Variants in MKRN2 observed in about 807,000 individuals in gnomAD.
MKRN2 encodes makorin ring finger protein 2, also known as E3 ubiquitin-protein ligase makorin-2.
MKRN2 carries 32 observed loss-of-function variants against 45.4 expected under a neutral mutation model. That is an observed-to-expected ratio of 0.70 (90% CI 0.53 to 0.95). The LOEUF is 0.95. Among genes scored for constraint, MKRN2 ranks in the 40% least tolerant of loss-of-function variants. The pLI, the probability that MKRN2 is intolerant of heterozygous loss-of-function variation, is 0.00. For synonymous variants in MKRN2, 206 were observed against 192.4 expected, an observed-to-expected ratio of 1.07 and a Z score of -0.59; for missense variants, 526 against 536.7, an observed-to-expected ratio of 0.98 and a Z score of 0.20.
At chr3:12,557,633 C>G (rs1338376995) in intron 1 of MKRN2, among the ~76,000 whole-genome samples, 1 of 152,236 alleles carries the variant, frequency 6.6e-6, no homozygotes, top group African/African-American at 2.4e-5. Context: ...CAGATGCAAT[C>G]TAAACTTGCA....
chr3:12,575,375 C>T (rs1424394270), intron 5 of MKRN2, among the ~76,000 whole-genome samples: 1 of 152,152 alleles, frequency 6.6e-6, no homozygotes, highest in African/African-American at 2.4e-5. Context: ...TTCCCCCCAC[C>T]AAAAACGAAA....
intron 1 of MKRN2, among the ~76,000 whole-genome samples, chr3:12,567,475 G>GT (rs1236854315): frequency 7.3e-5 from 9 of 123,704 alleles, no homozygotes; most frequent in Non-Finnish European, 1.5e-4. Flanking sequence ...GCCCTGGCTA[G>GT]TTTATCTTTT....
At position 12,572,223 on chromosome 3, in the gene MKRN2, C is replaced by T; in HGVS notation, c.492C>T (p.Tyr164=). 1 of 1,614,120 alleles carries T rather than the reference C, an allele frequency of 6.2e-7. No individual in the cohort carries two copies. The highest frequency in any genetic ancestry group is 8.5e-7 in the Non-Finnish European group (1 of 1,180,012). ...GLDDVEASSS[Y]SNEQQLCPYA... ...ATGACGTGGAGGCCAGCAGCTCCTA[C>T]AGCAACGAGCAGCAGCTGTGCCCCT... Residue 164 remains tyrosine, a synonymous_variant, in exon 4 of 8, where the codon TAC becomes TAT. Coordinates refer to ENST00000170447, the MANE Select transcript of MKRN2 (RefSeq NM_014160.5).
intron 1 of MKRN2, among the ~76,000 whole-genome samples, chr3:12,563,904 G>A (rs532116661): frequency 1.7e-4 from 23 of 137,370 alleles, no homozygotes; most frequent in Admixed American, 3.8e-4. Context: ...AATAATGCTG[G>A]TATGAACACG....
intron 5 of MKRN2, among the ~76,000 whole-genome samples, chr3:12,575,912 A>G (rs2058132316): frequency 6.6e-6 from 1 of 152,058 alleles, no homozygotes; most frequent in African/African-American, 2.4e-5. Context: ...TCCCTTATCC[A>G]TTCCTCAGCT....
intron 6 of MKRN2, chr3:12,576,979 T>C: frequency 4.9e-6 from 1 of 203,560 alleles, no homozygotes; most frequent in Non-Finnish European, 9.4e-6. Flanking sequence ...GGTCTCACTC[T>C]GTTGCCCAGG....
At position 12,582,321 on chromosome 3, in the gene MKRN2, G is replaced by A. The variant is rs1035277886; in HGVS notation, c.*68G>A. 2 of 1,597,030 alleles carry A rather than the reference G, an allele frequency of 1.3e-6. No homozygotes were observed. The highest frequency in any genetic ancestry group is 1.3e-5 in the African/African-American group (1 of 74,678). ...ACTTTCCCAAGCCAGGGTGTGCGGA[G>A]CTTCCCTGTACTGCAGCCAAGGTGA... On this transcript the variant is annotated 3_prime_UTR_variant, in exon 8 of 8. Coordinates refer to ENST00000170447, the MANE Select transcript of MKRN2 (RefSeq NM_014160.5).
intron 4 of MKRN2, among the ~76,000 whole-genome samples, chr3:12,572,635 G>A (rs2058106691): frequency 6.6e-6 from 1 of 151,462 alleles, no homozygotes; most frequent in Non-Finnish European, 1.5e-5. Flanking sequence ...CCAGGCTGGA[G>A]TACAGTGGTG....
At chr3:12,576,848 C>A in intron 6 of MKRN2, 107 bp downstream of exon 6, 1 of 655,232 alleles carries the variant, frequency 1.5e-6, no homozygotes, top group Non-Finnish European at 2.6e-6. Context: ...GCCTCTTCCT[C>A]TCTTCCTTCT....
chr3:12,565,851 C>T (rs2058066385), intron 1 of MKRN2, among the ~76,000 whole-genome samples: 1 of 151,610 alleles, frequency 6.6e-6, no homozygotes, highest in Non-Finnish European at 1.5e-5. Flanking sequence ...ATGTGTGGTT[C>T]TATTTACAGG....
chr3:12,570,169 C>G lies in MKRN2; in HGVS notation c.254C>G (p.Ser85Cys), dbSNP rs368353653. Reference sequence around the variant, plus strand: ...GCTTTCCACAGTCCTCACCCTCCTTCCGAGGTCACTGCATCCATTGTGAAA... The same window carrying G: ...GCTTTCCACAGTCCTCACCCTCCTTGCGAGGTCACTGCATCCATTGTGAAA... ...SPAFHSPHPPSEVTASIVKTN... is the reference protein window; with the variant it reads ...SPAFHSPHPPCEVTASIVKTN... The change falls in exon 3 of 8, where the codon TCC becomes TGC. Residue 85 changes from serine (S) to cysteine (C), a missense_variant. By Grantham distance (112) the Ser-to-Cys change is moderately radical. Transcript: ENST00000170447. The G allele has an allele frequency of 2.3e-5, 37 of 1,614,198 alleles. No individual in the cohort carries two copies. The highest frequency in any genetic ancestry group is 3.3e-4 in the Middle Eastern group (2 of 6,062).
intron 5 of MKRN2, 103 bp from the exon 6 acceptor site, chr3:12,576,528 G>A (rs998606442): frequency 2.7e-5 from 19 of 694,476 alleles, no homozygotes; most frequent in Non-Finnish European, 4.2e-5. Flanking sequence ...TCTGGTGAAG[G>A]AAATGCCTGT....
chr3:12,579,611 C>T (rs1341986476), intron 6 of MKRN2, among the ~76,000 whole-genome samples: 1 of 152,196 alleles, frequency 6.6e-6, no homozygotes, highest in Non-Finnish European at 1.5e-5. Flanking sequence ...GCATGGGAGC[C>T]TGAACCATGA....
chr3:12,572,609 G>GACA (rs1174405680), intron 4 of MKRN2, among the ~76,000 whole-genome samples: 4 of 142,372 alleles, frequency 2.8e-5, no homozygotes, highest in African/African-American at 1.1e-4. Flanking sequence ...TTTTTTTAAT[G>GACA]GAGTCTCCCT....
intron 2 of MKRN2, among the ~76,000 whole-genome samples, chr3:12,569,458 C>A (rs752894440): frequency 6.6e-6 from 1 of 152,052 alleles, no homozygotes; most frequent in East Asian, 1.9e-4. Context: ...CCGTGCCTGG[C>A]CTAATTTTCA....
In MKRN2 at chr3:12,563,483, C is replaced by CT. The variant is rs769910086; in HGVS notation, c.27-5370dup. ...TACCATTCCCTCCTGTTGTCTAGTT[C>CT]TTTTTTTTTTTTTTTTTTTTTTCCT... On this transcript the variant is annotated intron_variant, in intron 1 of 7. Transcript: ENST00000170447. Among the ~76,000 whole-genome samples, 863 of 101,378 alleles carry CT rather than the reference C, an allele frequency of 8.5e-3. 8 individuals carry two copies. The highest frequency in any genetic ancestry group is 0.013 in the East Asian group (48 of 3,674). The allele number at this position is 101,378 out of a possible 152,430, so 66.5% of individuals were successfully genotyped here.
chr3:12,576,659 G>C lies in MKRN2; in HGVS notation c.886G>C (p.Glu296Gln), dbSNP rs768173494. The C allele has an allele frequency of 1.2e-6, 2 of 1,607,938 alleles. No individual in the cohort carries two copies. Among genetic ancestry groups the C allele is most frequent in the Non-Finnish European group, 1.7e-6 (2 of 1,174,718 alleles). Residue 296 changes from glutamate (E) to glutamine (Q), a missense_variant, in exon 6 of 8, where the codon GAG (glutamate) becomes CAG (glutamine). By Grantham distance (29) the Glu-to-Gln change is conservative. Coordinates refer to ENST00000170447, the MANE Select transcript of MKRN2 (RefSeq NM_014160.5). ...KSCPECRVIS[E>Q]FVIPSVYWVE... ...TTGTCCAGAATGCCGTGTGATATCAGAGTTTGTAATTCCAAGTGTGTATTG... is the reference window on the plus strand; with the variant it reads ...TTGTCCAGAATGCCGTGTGATATCACAGTTTGTAATTCCAAGTGTGTATTG...
intron 3 of MKRN2, among the ~76,000 whole-genome samples, chr3:12,570,713 T>C (rs1281478104): frequency 6.6e-6 from 1 of 151,722 alleles, no homozygotes; most frequent in African/African-American, 2.4e-5. Context: ...AGAAACCCTG[T>C]CTCTACTAAA....
In MKRN2 at chr3:12,582,231, G is replaced by A; in HGVS notation, c.1229G>A (p.Gly410Glu). The stretch of plus-strand genomic sequence containing the variant: ...GGGGACCTCTTCATGCACCTTTCTG[G>A]AGTGGAATCATCAGAACCCTAAAGA... ...ELGDLFMHLSGVESSEP is the reference protein window; with the variant it reads ...ELGDLFMHLSEVESSEP The change falls in exon 8 of 8, where the codon GGA (glycine) becomes GAA (glutamate). Residue 410 changes from glycine (G) to glutamate (E), a missense_variant. By Grantham distance (98) the Gly-to-Glu change is moderately conservative. Coordinates refer to ENST00000170447, the MANE Select transcript of MKRN2 (RefSeq NM_014160.5). 1 of 1,614,096 alleles carries A rather than the reference G, an allele frequency of 6.2e-7. No individual in the cohort carries two copies. Among genetic ancestry groups the A allele is most frequent in the Non-Finnish European group, 8.5e-7 (1 of 1,180,024 alleles).
Sources: allele counts gnomAD v4.1 joint callset (sites outside exome capture counted in the v4.1 genomes callset), GRCh38; gene constraint gnomAD v4.1.1; transcripts MANE v1.5; gene names NCBI Gene and HGNC (gene_info 2026-07-23, HGNC 2026-07-21).